Variants in CCDC15 observed in about 807,000 individuals in gnomAD.
CCDC15 encodes coiled-coil domain-containing protein 15.
Under a neutral mutation model 114.5 loss-of-function variants are expected in CCDC15, and 105 were observed. That is an observed-to-expected ratio of 0.92 (90% CI 0.78 to 1.08). The LOEUF (loss-of-function observed/expected upper bound fraction) is 1.08. Ranked by LOEUF, CCDC15 falls within the 50% of genes least tolerant of loss-of-function variation. CCDC15 has a pLI of 0.00. For missense variants in CCDC15, 1,105 were observed against 1,093.6 expected (o/e 1.01, Z -0.15); for synonymous variants, 334 against 377.8 (o/e 0.88, Z 1.34).
At chr11:124,972,081 A>G (rs1043623729) in intron 4 of CCDC15, among the ~76,000 whole-genome samples, 6 of 152,190 alleles carry the variant, frequency 3.9e-5, no homozygotes, top group Non-Finnish European at 8.8e-5. Flanking sequence ...GTTTCCGTCT[A>G]TGTATGGCTT....
intron 13 of CCDC15, among the ~76,000 whole-genome samples, chr11:125,009,193 C>T (rs1039483612): frequency 6.7e-6 from 1 of 148,628 alleles, no homozygotes; most frequent in Non-Finnish European, 1.5e-5. Flanking sequence ...TGCCATTGCA[C>T]TCCAGCCTGG....
chr11:125,000,474 G>C (rs199804013), intron 11 of CCDC15, among the ~76,000 whole-genome samples: 3 of 152,038 alleles, frequency 2.0e-5, no homozygotes, highest in Admixed American at 1.3e-4. Context: ...CTCTCCATAG[G>C]GGGTAGATCC....
chr11:124,967,048 C>T lies in CCDC15; in HGVS notation c.516+7045C>T, dbSNP rs549838984. Among the ~76,000 whole-genome samples the T allele has an allele frequency of 1.1e-3, 169 of 151,928 alleles. 1 individual carries two copies. Among genetic ancestry groups the T allele is most frequent in the Admixed American group, 3.4e-3 (52 of 15,238 alleles). On this transcript the variant is annotated intron_variant, in intron 4 of 15. Coordinates refer to ENST00000344762, the MANE Select transcript of CCDC15 (RefSeq NM_025004.3). The stretch of plus-strand genomic sequence containing the variant: ...GGCTTCCCTTTGTGGGTAACCCGAC[C>T]TTCTCTGGCTGACCTTAACATTTTT...
intron 6 of CCDC15, among the ~76,000 whole-genome samples, chr11:124,983,417 G>T (rs529127302): frequency 2.5e-4 from 38 of 151,968 alleles, no homozygotes; most frequent in African/African-American, 9.2e-4. Flanking sequence ...GGGCTGTGTT[G>T]TTCCTTCAGT....
At chr11:124,973,312 C>T (rs1340952333) in intron 4 of CCDC15, among the ~76,000 whole-genome samples, 1 of 151,462 alleles carries the variant, frequency 6.6e-6, no homozygotes, top group East Asian at 1.9e-4. Context: ...TAACACCTAC[C>T]TTAAGTGTCA....
chr11:125,005,271 A>G lies in CCDC15; in HGVS notation c.2411+59A>G, dbSNP rs980183146. The G allele has an allele frequency of 1.2e-5, 9 of 743,808 alleles. No individual in the cohort carries two copies. In the African/African-American group the frequency reaches 1.6e-4, roughly 14 times the overall value. The allele number at this position is 743,808 out of a possible 1,614,324, so 46.1% of individuals were successfully genotyped here. On this transcript the variant is annotated intron_variant, in intron 13 of 15. Transcript: ENST00000344762. ...TTGCCAATTAAGATGTTTTTGGAAG[A>G]TGAACTTTAGAAAAAGGTAATGGTT...
chr11:124,986,689 G>T (rs370378819), intron 6 of CCDC15, 53 bp from the exon 7 acceptor site: 2 of 1,353,226 alleles, frequency 1.5e-6, no homozygotes, highest in Non-Finnish European at 2.0e-6. Flanking sequence ...GTGTGTGTGT[G>T]TTTGTGTGTG....
chr11:124,977,427 A>G (rs749055366), intron 5 of CCDC15, 51 bp from the exon 6 acceptor site: 11 of 1,479,254 alleles, frequency 7.4e-6, no homozygotes, highest in Non-Finnish European at 9.9e-6. Context: ...AGTCTCATGA[A>G]TATGTTGCTT....
chr11:125,019,501 G>T (rs1161728398), intron 13 of CCDC15, among the ~76,000 whole-genome samples: 2 of 152,010 alleles, frequency 1.3e-5, no homozygotes, highest in Non-Finnish European at 2.9e-5. Context: ...GCAGAACTGG[G>T]ATTCAACCCC....
intron 11 of CCDC15, among the ~76,000 whole-genome samples, chr11:125,003,191 G>A (rs1279165540): frequency 1.3e-5 from 2 of 151,732 alleles, no homozygotes; most frequent in Non-Finnish European, 2.9e-5. Context: ...TTTCTAGATT[G>A]TTCTTTACAA....
rs1324506126 is a variant in CCDC15 at position 124,977,590 on chromosome 11, T to TA, written c.743_744insA (p.Met248IlefsTer7). ...GCTGCTGTACCTTACCAGAATTATA[T>TA]GGAAAATCAGGTAGGGAAATATAAA... On this transcript the variant is annotated frameshift_variant, in exon 6 of 16. Coordinates refer to ENST00000344762, the MANE Select transcript of CCDC15 (RefSeq NM_025004.3). LOFTEE classifies it high-confidence loss of function. 2 of 1,602,170 alleles carry TA rather than the reference T, an allele frequency of 1.2e-6. No individual in the cohort carries two copies. Among genetic ancestry groups the TA allele is most frequent in the African/African-American group, 2.7e-5 (2 of 74,142 alleles).
intron 13 of CCDC15, 59 bp downstream of exon 13, chr11:125,005,271 A>T: frequency 1.3e-6 from 1 of 743,926 alleles, no homozygotes; most frequent in Non-Finnish European, 2.2e-6. Flanking sequence ...TTTTTGGAAG[A>T]TGAACTTTAG....
chr11:125,025,428 C>T (rs896597362), intron 13 of CCDC15, among the ~76,000 whole-genome samples: 18 of 151,506 alleles, frequency 1.2e-4, no homozygotes, highest in Non-Finnish European at 5.9e-5. Flanking sequence ...TAATGCTGGC[C>T]TTATAGGATG....
chr11:125,024,891 T>C (rs1948685051), intron 13 of CCDC15, among the ~76,000 whole-genome samples: 1 of 151,280 alleles, frequency 6.6e-6, no homozygotes, highest in African/African-American at 2.4e-5. Context: ...AGTATGATGT[T>C]AGCTTTAAGT....
At position 125,024,884 on chromosome 11, in the gene CCDC15, A is replaced by G. The variant is rs188900516; in HGVS notation, c.2412-13547A>G. On this transcript the variant is annotated intron_variant, in intron 13 of 15. Coordinates refer to ENST00000344762, the MANE Select transcript of CCDC15 (RefSeq NM_025004.3). ...AGCATTTAGTTCTTTGCCATTAAGT[A>G]TGATGTTAGCTTTAAGTTTTTCATA... Among the ~76,000 whole-genome samples the G allele has an allele frequency of 2.9e-4, 44 of 151,500 alleles. No individual in the cohort carries two copies. In the East Asian group the frequency reaches 7.5e-3, roughly 26 times the overall value.
At chr11:125,007,968 A>C (rs1948563982) in intron 13 of CCDC15, among the ~76,000 whole-genome samples, 1 of 152,146 alleles carries the variant, frequency 6.6e-6, no homozygotes, top group Non-Finnish European at 1.5e-5. Flanking sequence ...AAGTCGGGTA[A>C]TTTCAGTCTT....
At chr11:125,033,855 C>G (rs561191058) in intron 13 of CCDC15, among the ~76,000 whole-genome samples, 1 of 152,222 alleles carries the variant, frequency 6.6e-6, no homozygotes. Context: ...TATGTTCCTT[C>G]TATCATCATC....
At chr11:125,020,702 T>C (rs1231866748) in intron 13 of CCDC15, among the ~76,000 whole-genome samples, 1 of 152,006 alleles carries the variant, frequency 6.6e-6, no homozygotes, top group Non-Finnish European at 1.5e-5. Flanking sequence ...ATTGACATAT[T>C]GATTTCTGAC....
intron 4 of CCDC15, among the ~76,000 whole-genome samples, chr11:124,961,860 A>G (rs563279494): frequency 6.6e-6 from 1 of 152,122 alleles, no homozygotes; most frequent in Non-Finnish European, 1.5e-5. Context: ...CCCAAACAAA[A>G]AAAAAGCCTA....
Sources: allele counts gnomAD v4.1 joint callset (sites outside exome capture counted in the v4.1 genomes callset), GRCh38; gene constraint gnomAD v4.1.1; transcripts MANE v1.5; gene names NCBI Gene and HGNC (gene_info 2026-07-23, HGNC 2026-07-21).